Variants in PPFIA2 observed in about 807,000 individuals in gnomAD.
The protein encoded by PPFIA2 is liprin-alpha-2.
In PPFIA2, 46 loss-of-function variants were observed where a neutral mutation model predicts 175.5. That is an observed-to-expected ratio of 0.26 (90% confidence interval 0.21 to 0.34). PPFIA2 has a LOEUF of 0.34. Among genes scored for constraint, PPFIA2 ranks in the 10% least tolerant of loss-of-function variants. PPFIA2 has a pLI of 1.00. For missense variants in PPFIA2, 1,179 were observed against 1,506.1 expected, an observed-to-expected ratio of 0.78 and a Z score of 3.60; for synonymous variants, 568 against 511.4, an observed-to-expected ratio of 1.11 and a Z score of -1.49.
In PPFIA2 at chr12:81,405,850, G is replaced by A. The variant is rs747773198; in HGVS notation, c.699C>T (p.Ser233=). 7 of 1,580,772 alleles carry A rather than the reference G, an allele frequency of 4.4e-6. No individual in the cohort carries two copies. Among genetic ancestry groups the A allele is most frequent in the East Asian group, 2.3e-5 (1 of 43,846 alleles). Residue 233 remains serine (S), a synonymous_variant, in exon 8 of 33, where the codon AGC becomes AGT. Transcript: ENST00000549396. ...GATGTTCTGACTCTGTGGATCCCTC[G>A]CTTGATGCCATTTTTCTTTGTATAT... ...NVHIQRKMAS[S]EGSTESEHLE... is the part of the protein sequence containing the mutation.
intron 24 of PPFIA2, among the ~76,000 whole-genome samples, chr12:81,290,844 A>G (rs2044750852): frequency 6.6e-6 from 1 of 151,886 alleles, no homozygotes; most frequent in Non-Finnish European, 1.5e-5. Flanking sequence ...ACATAATTAC[A>G]AGCACATATT....
chr12:81,336,228 T>G (rs893890451), intron 21 of PPFIA2, among the ~76,000 whole-genome samples: 1 of 152,198 alleles, frequency 6.6e-6, no homozygotes, highest in East Asian at 1.9e-4. Context: ...TTGAAAAGGA[T>G]GTCATAAGAA....
intron 4 of PPFIA2, among the ~76,000 whole-genome samples, chr12:81,503,322 C>T (rs2060792383): frequency 1.3e-5 from 2 of 151,918 alleles, no homozygotes; most frequent in Admixed American, 1.3e-4. Context: ...TGCTCATCCA[C>T]GCTGTCCAAA....
chr12:81,733,232 T>G (rs905861589), intron 3 of PPFIA2, among the ~76,000 whole-genome samples: 2 of 151,596 alleles, frequency 1.3e-5, no homozygotes, highest in Non-Finnish European at 3.0e-5. Context: ...AAATAACTTC[T>G]CCAGAAATAT....
chr12:81,344,647 A>G lies in PPFIA2; in HGVS notation c.2262+17T>C, dbSNP rs1419676384. On this transcript the variant is annotated intron_variant, in intron 19 of 32. Transcript: ENST00000549396. ...ACAGTATTCAATTCGTAATGATGTA[A>G]AAGTTATTTACTGTACCTTTCTCCG... The G allele has an allele frequency of 5.9e-6, 9 of 1,532,700 alleles. No individual in the cohort carries two copies. Among genetic ancestry groups the G allele is most frequent in the South Asian group, 1.2e-5 (1 of 82,166 alleles). The allele number at this position is 1,532,700 out of a possible 1,614,324, so 94.9% of individuals were successfully genotyped here.
chr12:81,629,993 T>G (rs1373362991), intron 4 of PPFIA2, among the ~76,000 whole-genome samples: 2 of 152,174 alleles, frequency 1.3e-5, no homozygotes, highest in Non-Finnish European at 2.9e-5. Flanking sequence ...AAGTTTCTTA[T>G]AAGAGAGAGG....
At chr12:81,505,172 A>G (rs569844800) in intron 4 of PPFIA2, among the ~76,000 whole-genome samples, 2 of 152,196 alleles carry the variant, frequency 1.3e-5, no homozygotes, top group South Asian at 2.1e-4. Context: ...ATGTGCAACT[A>G]GGTTTAAGAG....
chr12:81,753,868 T>C, intron 3 of PPFIA2, 105 bp downstream of exon 3: 1 of 1,381,766 alleles, frequency 7.2e-7, no homozygotes, highest in South Asian at 1.4e-5. Context: ...AAAACGTGTG[T>C]ATCACATATG....
intron 4 of PPFIA2, among the ~76,000 whole-genome samples, chr12:81,606,564 T>C (rs1246206594): frequency 2.0e-5 from 3 of 152,162 alleles, no homozygotes; most frequent in Non-Finnish European, 2.9e-5. Flanking sequence ...AATTCTCTGA[T>C]GCTTAGTGAT....
intron 3 of PPFIA2, among the ~76,000 whole-genome samples, chr12:81,720,302 TG>T (rs937127670): frequency 6.6e-6 from 1 of 151,538 alleles, no homozygotes; most frequent in Non-Finnish European, 1.5e-5. Context: ...TAAAATGCTT[TG>T]GGGGAAAAAT....
At chr12:81,700,382 C>A (rs2076352016) in intron 3 of PPFIA2, among the ~76,000 whole-genome samples, 1 of 151,916 alleles carries the variant, frequency 6.6e-6, no homozygotes, top group Admixed American at 6.6e-5. Flanking sequence ...AATTAAAAAA[C>A]AAAACTTAAA....
At chr12:81,542,706 C>T (rs968193051) in intron 4 of PPFIA2, among the ~76,000 whole-genome samples, 1 of 152,036 alleles carries the variant, frequency 6.6e-6, no homozygotes, top group African/African-American at 2.4e-5. Flanking sequence ...ATAAATATTT[C>T]TATGTTCCTT....
chr12:81,306,052 C>T lies in PPFIA2; in HGVS notation c.2643-6670G>A, dbSNP rs916780806. On this transcript the variant is annotated intron_variant, in intron 22 of 32. Transcript: ENST00000549396. ...GTCCAAATACCATACAGCACTGTCC[C>T]CTCTGTCACTCATGATGGCCATTTC... is the stretch of plus-strand genomic sequence containing the variant. Among the ~76,000 whole-genome samples, 12 of 152,138 alleles carry T rather than the reference C, an allele frequency of 7.9e-5. 1 individual carries two copies. The highest frequency in any genetic ancestry group is 2.4e-5 in the African/African-American group (1 of 41,446).
At chr12:81,715,495 T>C (rs1196737684) in intron 3 of PPFIA2, among the ~76,000 whole-genome samples, 1 of 151,684 alleles carries the variant, frequency 6.6e-6, no homozygotes, top group African/African-American at 2.4e-5. Context: ...GAAAAGCTAC[T>C]GGATATGAGC....
chr12:81,618,818 C>A (rs2061704049), intron 4 of PPFIA2, among the ~76,000 whole-genome samples: 1 of 152,174 alleles, frequency 6.6e-6, no homozygotes, highest in Non-Finnish European at 1.5e-5. Context: ...AGGCGTGAGC[C>A]ACCGCGCCCG....
chr12:81,552,426 T>G (rs76831601), intron 4 of PPFIA2, among the ~76,000 whole-genome samples: 1 of 151,946 alleles, frequency 6.6e-6, no homozygotes, highest in Non-Finnish European at 1.5e-5. Flanking sequence ...GTATTTACTT[T>G]GTAAATATAG....
rs918628698 is a variant in PPFIA2, at chr12:81,259,287, T to C, written c.*407A>G. 50 of 363,974 alleles carry C rather than the reference T, an allele frequency of 1.4e-4. No individual in the cohort carries two copies. Among genetic ancestry groups the C allele is most frequent in the Admixed American group, 7.1e-4 (17 of 23,962 alleles). The allele number at this position is 363,974 out of a possible 1,614,324, so 22.5% of individuals were successfully genotyped here. A position where few individuals can be genotyped will look rare whatever the true frequency, so the allele number is the denominator to read the frequency against. On this transcript the variant is annotated 3_prime_UTR_variant, in exon 33 of 33. Transcript: ENST00000549396. ...GAGACTCCATGAACCATATATTTTA[T>C]TTTTTAAAAAATCATATTTATATCC...
chr12:81,283,499 A>AACAAG (rs1240600500), intron 25 of PPFIA2, among the ~76,000 whole-genome samples: 1 of 152,056 alleles, frequency 6.6e-6, no homozygotes, highest in Non-Finnish European at 1.5e-5. Flanking sequence ...AACAAAACAA[A>AACAAG]ACAAGACAAA....
At chr12:81,414,737 A>G (rs555269755) in intron 7 of PPFIA2, among the ~76,000 whole-genome samples, 3 of 151,762 alleles carry the variant, frequency 2.0e-5, no homozygotes, top group East Asian at 3.9e-4. Flanking sequence ...CCATGCTTAG[A>G]TTATAATGAA....
Sources: allele counts gnomAD v4.1 joint callset (sites outside exome capture counted in the v4.1 genomes callset), GRCh38; gene constraint gnomAD v4.1.1; transcripts MANE v1.5; gene names NCBI Gene and HGNC (gene_info 2026-07-23, HGNC 2026-07-21).